CENPS: variants seen among roughly 807,000 people sequenced by gnomAD.
The protein encoded by CENPS is FANCM associated histone fold protein 1.
Under a neutral mutation model 17.9 loss-of-function variants are expected in CENPS, and 16 were observed. The observed-to-expected ratio is 0.90, with a 90% CI of 0.61 to 1.36. The LOEUF is 1.36. CENPS is among the 40% of genes most tolerant of loss of function. The pLI is 0.00. For missense variants in CENPS, 160 were observed against 158.6 expected (o/e 1.01, Z -0.05); for synonymous variants, 49 against 55.8 (o/e 0.88, Z 0.54).
At chr1:10,431,377 C>A in intron 1 of CENPS, 1 of 1,535,354 alleles carries the variant, frequency 6.5e-7, no homozygotes, top group Non-Finnish European at 8.7e-7. Flanking sequence ...GAAGTTCAAA[C>A]CTTCAGAAAA....
At chr1:10,441,333 T>C (rs952580965) in intron 4 of CENPS, among the ~76,000 whole-genome samples, 2 of 149,876 alleles carry the variant, frequency 1.3e-5, no homozygotes, top group African/African-American at 4.9e-5. Flanking sequence ...TTTTTTTTTT[T>C]TTTGACGGGG....
At chr1:10,441,058 G>C (rs911065109) in intron 4 of CENPS, among the ~76,000 whole-genome samples, 1 of 152,198 alleles carries the variant, frequency 6.6e-6, no homozygotes, top group Non-Finnish European at 1.5e-5. Flanking sequence ...TGCCTAGAAC[G>C]CACCTGTGTG....
At chr1:10,430,638 G>A (rs1346441127) in intron 1 of CENPS, 70 bp downstream of exon 1, 3 of 1,484,044 alleles carry the variant, frequency 2.0e-6, no homozygotes, top group Non-Finnish European at 2.7e-6. Flanking sequence ...AAAAGTACCC[G>A]GCAGCCCCCG....
In CENPS at chr1:10,442,302, A is replaced by G. The variant is rs1039448174; in HGVS notation, c.314A>G (p.Gln105Arg). The change falls in exon 5 of 5, where the codon CAG becomes CGG. Residue 105 changes from glutamine (Q) to arginine (R), a missense_variant. Coordinates refer to ENST00000309048, the MANE Select transcript of CENPS (RefSeq NM_199294.3). ...YITDKSEEIA[Q>R]INLERKAQKK... ...ACAGACAAAAGTGAAGAGATTGCTC[A>G]GATTAACCTAGAACGAAAAGCACAG... The G allele has an allele frequency of 1.9e-6, 3 of 1,599,626 alleles. No individual in the cohort carries two copies. The highest frequency in any genetic ancestry group is 2.7e-5 in the African/African-American group (2 of 73,774).
At chr1:10,431,727 G>T (rs1460096438) in intron 1 of CENPS, among the ~76,000 whole-genome samples, 1 of 151,966 alleles carries the variant, frequency 6.6e-6, no homozygotes, top group African/African-American at 2.4e-5. Flanking sequence ...GGTGGCAGGT[G>T]CCTGTAATCC....
At chr1:10,430,977 G>C in intron 1 of CENPS, 1 of 1,269,568 alleles carries the variant, frequency 7.9e-7, no homozygotes, top group Non-Finnish European at 1.0e-6. Context: ...TGGCCCTGGA[G>C]GCGTCGACCC....
intron 2 of CENPS, 81 bp from the exon 3 acceptor site, chr1:10,434,576 A>G: frequency 6.3e-7 from 1 of 1,592,542 alleles, no homozygotes. Context: ...TACTGGCTGT[A>G]GAAATCAAGG....
chr1:10,437,444 T>TG (rs1205933084), intron 3 of CENPS, among the ~76,000 whole-genome samples: 1 of 128,050 alleles, frequency 7.8e-6, no homozygotes, highest in East Asian at 2.5e-4. Flanking sequence ...GAGCAGGGGC[T>TG]GTTTTTTTTT....
chr1:10,435,203 G>A (rs952862082), intron 3 of CENPS, among the ~76,000 whole-genome samples: 1 of 152,182 alleles, frequency 6.6e-6, no homozygotes, highest in Non-Finnish European at 1.5e-5. Context: ...AGCTGCTAAA[G>A]CCTCAGCTTT....
intron 2 of CENPS, 27 bp from the exon 3 acceptor site, chr1:10,434,630 A>G: frequency 6.2e-7 from 1 of 1,605,350 alleles, no homozygotes; most frequent in Non-Finnish European, 8.5e-7. Flanking sequence ...GGGTGCCTAA[A>G]GTGTGTATCT....
At chr1:10,440,719 C>T (rs1640370026) in intron 4 of CENPS, among the ~76,000 whole-genome samples, 1 of 152,228 alleles carries the variant, frequency 6.6e-6, no homozygotes, top group African/African-American at 2.4e-5. Context: ...ACAGGCCAAT[C>T]TGCAGGGATA....
chr1:10,432,262 T>G (rs1229089773), intron 1 of CENPS, among the ~76,000 whole-genome samples: 2 of 152,080 alleles, frequency 1.3e-5, no homozygotes, highest in African/African-American at 4.8e-5. Flanking sequence ...TAATTTTGTA[T>G]GTTTAGTAGA....
chr1:10,436,971 G>A (rs1359380625), intron 3 of CENPS, among the ~76,000 whole-genome samples: 1 of 152,110 alleles, frequency 6.6e-6, no homozygotes, highest in Non-Finnish European at 1.5e-5. Context: ...GGTCAGCTTT[G>A]GTTATCTTGT....
At chr1:10,433,412 G>T (rs1249662168) in intron 1 of CENPS, among the ~76,000 whole-genome samples, 2 of 152,158 alleles carry the variant, frequency 1.3e-5, no homozygotes, top group Admixed American at 1.3e-4. Context: ...GCAGAGGGAT[G>T]GGATCCTTCT....
intron 2 of CENPS, 71 bp downstream of exon 2, chr1:10,434,036 G>T: frequency 6.3e-7 from 1 of 1,599,864 alleles, no homozygotes; most frequent in South Asian, 1.1e-5. Flanking sequence ...AGCAGTGCGT[G>T]GGTGGGAGCT....
intron 3 of CENPS, among the ~76,000 whole-genome samples, chr1:10,439,042 T>C (rs955236014): frequency 3.9e-5 from 6 of 152,130 alleles, no homozygotes; most frequent in African/African-American, 1.2e-4. Context: ...AATTAGAAAA[T>C]TATCTCTTGA....
At position 10,430,512 on chromosome 1, in the gene CENPS, G is replaced by A. The variant is rs1639850917; in HGVS notation, c.-6G>A. On this transcript the variant is annotated 5_prime_UTR_variant, in exon 1 of 5. Transcript: ENST00000309048. ...TCCTGCGTTTGCCCAGGGTCGGCCC[G>A]CAGTGATGGAGGAGGAGGCGGAGAC... is the stretch of plus-strand genomic sequence containing the variant. 2.0e-6 allele frequency: 3 copies of A among 1,538,040 alleles called. No individual in the cohort carries two copies. In the South Asian group the frequency reaches 3.6e-5, roughly 19 times the overall value.
intron 4 of CENPS, 30 bp from the exon 5 acceptor site, chr1:10,442,235 C>T (rs201200029): frequency 6.5e-7 from 1 of 1,546,952 alleles, no homozygotes; most frequent in African/African-American, 1.5e-5. Flanking sequence ...TGGTTACAGC[C>T]AGATATAAAT....
chr1:10,430,635 C>G, intron 1 of CENPS, 67 bp downstream of exon 1: 1 of 1,483,256 alleles, frequency 6.7e-7, no homozygotes, highest in Non-Finnish European at 9.0e-7. Context: ...CAGAAAAGTA[C>G]CCGGCAGCCC....
Sources: gnomAD v4.1 joint callset for allele counts (sites outside exome capture counted in the v4.1 genomes callset) on GRCh38, gnomAD v4.1.1 for gene constraint, MANE v1.5 for transcripts, NCBI Gene and HGNC (gene_info 2026-07-23, HGNC 2026-07-21) for gene names.